The following PIP5K1A variants were observed in gnomAD, a reference collection of about 807,000 sequenced individuals.
PIP5K1A encodes phosphatidylinositol-4-phosphate 5-kinase type 1 alpha, also known as phosphatidylinositol 4-phosphate 5-kinase type-1 alpha.
In PIP5K1A, 46 loss-of-function variants were observed where a neutral mutation model predicts 72.9. The ratio of observed to expected loss-of-function variants is 0.63; its 90% CI spans 0.50 to 0.81. The LOEUF (loss-of-function observed/expected upper bound fraction) is 0.81, where lower values mean the gene tolerates loss of function less well. Ranked by LOEUF, PIP5K1A falls within the 30% of genes least tolerant of loss-of-function variation. PIP5K1A has a pLI of 0.00. For synonymous variants in PIP5K1A, 228 were observed against 255.1 expected (o/e 0.89, Z 1.01); for missense variants, 458 against 706.1 (o/e 0.65, Z 3.98).
chr1:151,208,760 T>C (rs1319302131), intron 1 of PIP5K1A, among the ~76,000 whole-genome samples: 2 of 117,842 alleles, frequency 1.7e-5, no homozygotes, highest in Non-Finnish European at 3.3e-5. Flanking sequence ...GGAGACGGAG[T>C]CTTGCTCTGT....
intron 1 of PIP5K1A, among the ~76,000 whole-genome samples, chr1:151,220,160 A>G (rs1688214019): frequency 6.6e-6 from 1 of 151,316 alleles, no homozygotes; most frequent in Non-Finnish European, 1.5e-5. Context: ...TGGTGTCATC[A>G]TGCTTGGCTA....
chr1:151,229,960 C>T (rs1174995968), intron 4 of PIP5K1A, among the ~76,000 whole-genome samples: 5 of 151,918 alleles, frequency 3.3e-5, no homozygotes, highest in South Asian at 2.1e-4. Context: ...TGGTGGCTTG[C>T]GCCTGTAGTC....
At chr1:151,241,167 A>G (rs1376491340) in intron 12 of PIP5K1A, among the ~76,000 whole-genome samples, 1 of 151,726 alleles carries the variant, frequency 6.6e-6, no homozygotes, top group Non-Finnish European at 1.5e-5. Flanking sequence ...TTCATCTCAA[A>G]AAAAGTTATC....
chr1:151,223,669 C>A, intron 1 of PIP5K1A, among the ~76,000 whole-genome samples: 1 of 141,094 alleles, frequency 7.1e-6, no homozygotes. Context: ...AGCGACAGAG[C>A]GAGACTCCAT....
intron 4 of PIP5K1A, among the ~76,000 whole-genome samples, chr1:151,229,744 AAG>A (rs1553298368): frequency 6.6e-6 from 1 of 151,242 alleles, no homozygotes; most frequent in Non-Finnish European, 1.5e-5. Flanking sequence ...TAAAAAAAAA[AAG>A]AAACTAATAA....
At chr1:151,231,343 G>A (rs1395386168) in intron 4 of PIP5K1A, among the ~76,000 whole-genome samples, 1 of 152,080 alleles carries the variant, frequency 6.6e-6, no homozygotes, top group Non-Finnish European at 1.5e-5. Flanking sequence ...AGAACGTTGT[G>A]TCAATACAAT....
chr1:151,227,581 A>T (rs1191768935), intron 4 of PIP5K1A, among the ~76,000 whole-genome samples, 181 bp downstream of exon 4: 1 of 152,182 alleles, frequency 6.6e-6, no homozygotes. Flanking sequence ...TCCTTTTTGT[A>T]TATGAATGTT....
chr1:151,215,937 G>C (rs1029023506), intron 1 of PIP5K1A: 1 of 1,293,118 alleles, frequency 7.7e-7, no homozygotes, highest in Non-Finnish European at 1.0e-6. Context: ...GGAGTAAGGG[G>C]TAACTTTCTG....
At chr1:151,203,461 A>G (rs1438903227) in intron 1 of PIP5K1A, among the ~76,000 whole-genome samples, 1 of 150,332 alleles carries the variant, frequency 6.7e-6, no homozygotes, top group African/African-American at 2.5e-5. Flanking sequence ...CCCGGGGGAC[A>G]GAGGTTGCAA....
chr1:151,234,848 A>T (rs1160414467), intron 8 of PIP5K1A, among the ~76,000 whole-genome samples: 2 of 152,332 alleles, frequency 1.3e-5, no homozygotes, highest in South Asian at 2.1e-4. Context: ...ACAACCGTGT[A>T]TACTGGCATC....
At chr1:151,202,378 C>G (rs1345104744) in intron 1 of PIP5K1A, among the ~76,000 whole-genome samples, 1 of 152,192 alleles carries the variant, frequency 6.6e-6, no homozygotes, top group Non-Finnish European at 1.5e-5. Context: ...TTTAACAATT[C>G]AGGAAATCAT....
intron 15 of PIP5K1A, 135 bp downstream of exon 15, chr1:151,247,100 TA>T (rs1558309324): frequency 4.8e-6 from 2 of 416,324 alleles, no homozygotes; most frequent in Non-Finnish European, 8.7e-6. Context: ...TATTTTTTAT[TA>T]TTTTTTTATT....
rs765332962 is a variant in PIP5K1A, at chr1:151,232,740, C to T, written c.639+37C>T. The T allele has an allele frequency of 1.1e-5, 17 of 1,585,684 alleles. 1 individual carries two copies. The South Asian group carries it at 1.7e-4, about 16-fold the overall frequency. ...AGAAGCACTGTCCACCTGTGCTGCT[C>T]ACTTCTGGGCAAGGCTGGGGAGGCT... On this transcript the variant is annotated intron_variant, in intron 7 of 15. Transcript: ENST00000368888.
intron 9 of PIP5K1A, 62 bp downstream of exon 9, chr1:151,236,825 T>TC (rs1690948555): frequency 2.3e-5 from 23 of 998,836 alleles, no homozygotes; most frequent in Admixed American, 1.2e-4. Flanking sequence ...TCTTTTCTTT[T>TC]TTTTTTTTTT....
intron 1 of PIP5K1A, among the ~76,000 whole-genome samples, chr1:151,216,292 T>C (rs1687598647): frequency 6.9e-6 from 1 of 144,934 alleles, no homozygotes; most frequent in African/African-American, 2.6e-5. Flanking sequence ...GAGCTTGCAG[T>C]GAGCCGAGAT....
chr1:151,245,262 C>T (rs6587559), intron 14 of PIP5K1A, among the ~76,000 whole-genome samples: 102,149 of 152,014 alleles, frequency 0.67, 34,563 homozygotes, highest in Non-Finnish European at 0.71. Flanking sequence ...TATTCTACTT[C>T]TCACATAATC....
At chr1:151,227,967 G>C (rs2102525362) in intron 4 of PIP5K1A, among the ~76,000 whole-genome samples, 1 of 152,248 alleles carries the variant, frequency 6.6e-6, no homozygotes, top group African/African-American at 2.4e-5. Flanking sequence ...TTCCCTGTTA[G>C]GTATAAATAT....
At chr1:151,238,383 C>T in intron 10 of PIP5K1A, 118 bp downstream of exon 10, 3 of 723,566 alleles carry the variant, frequency 4.1e-6, no homozygotes, top group Non-Finnish European at 7.5e-6. Context: ...GAGTTGCAGT[C>T]TGGCTACTTA....
Position 151,232,383 on chromosome 1 carries a change from A to G in PIP5K1A, c.486+18A>G. ...ATTACTTGGTAAGCATCTGGATATC[A>G]GGACACTGTGACTCCAGTATCAGAG... is the stretch of plus-strand genomic sequence containing the variant. On this transcript the variant is annotated intron_variant, in intron 6 of 15. Transcript: ENST00000368888. 2 of 1,564,174 alleles carry G rather than the reference A, an allele frequency of 1.3e-6. No homozygotes were observed. The highest frequency in any genetic ancestry group is 8.8e-7 in the Non-Finnish European group (1 of 1,134,448).
Sources: gnomAD v4.1 joint callset for allele counts (sites outside exome capture counted in the v4.1 genomes callset) on GRCh38, gnomAD v4.1.1 for gene constraint, MANE v1.5 for transcripts, NCBI Gene and HGNC (gene_info 2026-07-23, HGNC 2026-07-21) for gene names.